Variants in SNX29 observed in about 807,000 individuals in gnomAD.
The protein encoded by SNX29 is sorting nexin-29.
SNX29 carries 78 observed loss-of-function variants against 102.1 expected under a neutral mutation model. That is an observed-to-expected ratio of 0.76 (90% confidence interval 0.64 to 0.92). The LOEUF (loss-of-function observed/expected upper bound fraction) is 0.92. Ranked by LOEUF, SNX29 falls within the 40% of genes least tolerant of loss-of-function variation. The pLI is 0.00. For missense variants in SNX29, 1,280 were observed against 1,061.7 expected, an observed-to-expected ratio of 1.21 and a Z score of -2.86; for synonymous variants, 580 against 414.5, an observed-to-expected ratio of 1.40 and a Z score of -4.85.
intron 19 of SNX29, among the ~76,000 whole-genome samples, chr16:12,487,884 A>G (rs1296399496): frequency 6.6e-6 from 1 of 152,204 alleles, no homozygotes. Flanking sequence ...TTAATCGAGA[A>G]GAAGAGAGAA....
At chr16:12,062,548 G>A (rs2050823791) in intron 9 of SNX29, among the ~76,000 whole-genome samples, 1 of 152,212 alleles carries the variant, frequency 6.6e-6, no homozygotes, top group East Asian at 1.9e-4. Context: ...CTGGCCTGTG[G>A]GGTGCAGTGT....
intron 14 of SNX29, among the ~76,000 whole-genome samples, chr16:12,229,404 G>A (rs556843906): frequency 6.6e-6 from 1 of 152,320 alleles, no homozygotes; most frequent in African/African-American, 2.4e-5. Flanking sequence ...TTTCCATGTC[G>A]TGTATGCGGC....
chr16:12,224,657 A>G (rs2077563636), intron 14 of SNX29, among the ~76,000 whole-genome samples: 1 of 152,226 alleles, frequency 6.6e-6, no homozygotes, highest in African/African-American at 2.4e-5. Flanking sequence ...AAGAGCCTAC[A>G]TGTGCAAAAG....
intron 19 of SNX29, among the ~76,000 whole-genome samples, chr16:12,497,043 T>A (rs1190002384): frequency 6.6e-6 from 1 of 151,962 alleles, no homozygotes; most frequent in Admixed American, 6.6e-5. Flanking sequence ...ACAGGTAGCA[T>A]GGTAATGGTA....
At chr16:12,435,606 GA>G (rs1361096994) in intron 18 of SNX29, among the ~76,000 whole-genome samples, 1 of 152,218 alleles carries the variant, frequency 6.6e-6, no homozygotes, top group East Asian at 1.9e-4. Context: ...ACGCAGTTTA[GA>G]AAACACCAGT....
At chr16:12,249,938 A>C (rs892527229) in intron 14 of SNX29, among the ~76,000 whole-genome samples, 1 of 152,230 alleles carries the variant, frequency 6.6e-6, no homozygotes. Context: ...TCTGTGATAC[A>C]GGAGAATCCC....
At chr16:12,448,884 A>G (rs892049430) in intron 18 of SNX29, among the ~76,000 whole-genome samples, 1 of 152,016 alleles carries the variant, frequency 6.6e-6, no homozygotes, top group Admixed American at 6.6e-5. Context: ...GACGGTAGTG[A>G]TTTGCTTTGG....
chr16:11,991,684 A>G (rs530772639), intron 1 of SNX29, among the ~76,000 whole-genome samples: 1 of 149,248 alleles, frequency 6.7e-6, no homozygotes, highest in South Asian at 2.1e-4. Context: ...CTGAGATTAC[A>G]GGTGCATGCC....
chr16:12,046,150 G>T (rs2050081784), intron 5 of SNX29, among the ~76,000 whole-genome samples: 1 of 152,140 alleles, frequency 6.6e-6, no homozygotes, highest in African/African-American at 2.4e-5. Context: ...GTCTATTTTA[G>T]TACTCTAAAG....
At chr16:12,548,298 T>TC (rs1242485951) in intron 20 of SNX29, among the ~76,000 whole-genome samples, 3 of 152,132 alleles carry the variant, frequency 2.0e-5, no homozygotes, top group Non-Finnish European at 4.4e-5. Flanking sequence ...GAAGCTACTG[T>TC]CCCTGGAGCC....
At chr16:12,400,816 T>TTTCA (rs1002745322) in intron 17 of SNX29, among the ~76,000 whole-genome samples, 11 of 146,160 alleles carry the variant, frequency 7.5e-5, no homozygotes, top group African/African-American at 2.8e-4. Context: ...AGTACCTCAC[T>TTTCA]TTCATTTATT....
At chr16:12,334,023 G>A (rs964017430) in intron 15 of SNX29, among the ~76,000 whole-genome samples, 24 of 152,094 alleles carry the variant, frequency 1.6e-4, no homozygotes, top group African/African-American at 5.6e-4. Context: ...TAAATATCTG[G>A]GATGTTTAAT....
intron 9 of SNX29, among the ~76,000 whole-genome samples, chr16:12,065,858 A>C (rs1045334259): frequency 5.9e-5 from 9 of 152,166 alleles, no homozygotes; most frequent in African/African-American, 2.2e-4. Context: ...CCAGGGTTCA[A>C]ACCTTTGCAC....
chr16:12,125,551 G>T (rs915438712), intron 11 of SNX29, among the ~76,000 whole-genome samples: 23 of 149,338 alleles, frequency 1.5e-4, no homozygotes, highest in Admixed American at 6.0e-4. Context: ...CTCACAGGTG[G>T]TTGCTATGCA....
chr16:12,261,904 C>G (rs1002631881), intron 14 of SNX29, among the ~76,000 whole-genome samples: 13 of 146,686 alleles, frequency 8.9e-5, no homozygotes, highest in Admixed American at 6.8e-4. Flanking sequence ...GTGCATGCGT[C>G]CCCGGCTGGA....
intron 8 of SNX29, among the ~76,000 whole-genome samples, chr16:12,060,090 C>CATCCGTGA (rs2050708093): frequency 6.6e-6 from 1 of 152,114 alleles, no homozygotes; most frequent in Admixed American, 6.5e-5. Flanking sequence ...ATGGACTCTG[C>CATCCGTGA]ATCCGTGAGT....
At chr16:12,065,418 C>T (rs1396829271) in intron 9 of SNX29, among the ~76,000 whole-genome samples, 1 of 152,222 alleles carries the variant, frequency 6.6e-6, no homozygotes, top group African/African-American at 2.4e-5. Flanking sequence ...CTCATCCCTT[C>T]ATTGAGGGTC....
chr16:12,284,175 A>T (rs2079521446), intron 15 of SNX29, among the ~76,000 whole-genome samples: 1 of 152,218 alleles, frequency 6.6e-6, no homozygotes. Context: ...GGCCTGCATC[A>T]CTTTGTCGCT....
intron 14 of SNX29, among the ~76,000 whole-genome samples, chr16:12,200,792 C>G (rs1025968078): frequency 6.6e-6 from 1 of 152,180 alleles, no homozygotes; most frequent in Non-Finnish European, 1.5e-5. Flanking sequence ...GCCCACATGT[C>G]TTCAGAGTCA....
Sources: gnomAD v4.1 joint callset for allele counts (sites outside exome capture counted in the v4.1 genomes callset) on GRCh38, gnomAD v4.1.1 for gene constraint, MANE v1.5 for transcripts, NCBI Gene and HGNC (gene_info 2026-07-23, HGNC 2026-07-21) for gene names.